The following GRID2 variants were observed in gnomAD, a reference collection of about 807,000 sequenced individuals.
The protein encoded by GRID2 is glutamate ionotropic receptor delta type subunit 2.
In GRID2, 33 loss-of-function variants were observed where a neutral mutation model predicts 114.8. The ratio of observed to expected loss-of-function variants is 0.29; its 90% CI spans 0.22 to 0.38. The LOEUF (loss-of-function observed/expected upper bound fraction) is 0.38. Ranked by LOEUF, GRID2 falls within the 10% of genes least tolerant of loss-of-function variation. The probability of loss-of-function intolerance (pLI) is 1.00; values close to 1 mark genes in which losing one functional copy is unlikely to be tolerated. For synonymous variants in GRID2, 505 were observed against 449.9 expected (o/e 1.12, Z -1.55); for missense variants, 1,184 against 1,257.7 (o/e 0.94, Z 0.89).
At chr4:92,906,857 T>G (rs923941260) in intron 2 of GRID2, among the ~76,000 whole-genome samples, 1 of 152,108 alleles carries the variant, frequency 6.6e-6, no homozygotes, top group African/African-American at 2.4e-5. Flanking sequence ...TAATCTCAAT[T>G]TTACAGTTTA....
intron 1 of GRID2, among the ~76,000 whole-genome samples, chr4:92,517,440 A>C (rs917125800): frequency 6.6e-6 from 1 of 151,952 alleles, no homozygotes; most frequent in Non-Finnish European, 1.5e-5. Flanking sequence ...GATACTTTGT[A>C]AGCAAAAGTC....
At chr4:92,768,849 A>G (rs1291165793) in intron 2 of GRID2, among the ~76,000 whole-genome samples, 3 of 152,154 alleles carry the variant, frequency 2.0e-5, no homozygotes, top group Admixed American at 6.5e-5. Flanking sequence ...CGTTCCTCCT[A>G]CAACACATGG....
At chr4:93,333,410 A>T (rs1758705868) in intron 8 of GRID2, among the ~76,000 whole-genome samples, 1 of 152,282 alleles carries the variant, frequency 6.6e-6, no homozygotes, top group Non-Finnish European at 1.5e-5. Context: ...ATGTAATGTC[A>T]AAGTTCCATA....
chr4:92,678,532 G>A lies in GRID2; in HGVS notation c.244+88246G>A, dbSNP rs145720247. On this transcript the variant is annotated intron_variant, in intron 2 of 15. Coordinates refer to ENST00000282020, the MANE Select transcript of GRID2 (RefSeq NM_001510.4). ...TTAGTCACTGGTGTCTGCTACTTGG[G>A]TATGGAAAGAAGATTAGTGTGGGTC... Among the ~76,000 whole-genome samples, 317 of 152,024 alleles carry A rather than the reference G, an allele frequency of 2.1e-3. 1 individual carries two copies. Among genetic ancestry groups the A allele is most frequent in the Non-Finnish European group, 3.2e-3 (214 of 67,918 alleles).
intron 2 of GRID2, among the ~76,000 whole-genome samples, chr4:93,061,103 AAAATAAATAAATAAAT>A (rs58943728): frequency 0.014 from 2,081 of 143,942 alleles, 12 homozygotes; most frequent in Non-Finnish European, 0.019. Context: ...ACTCCATCTC[AAAATAAATAAATAAAT>A]AAATAAATAA....
intron 2 of GRID2, among the ~76,000 whole-genome samples, chr4:92,956,353 T>C (rs1436696887): frequency 6.6e-6 from 1 of 152,196 alleles, no homozygotes; most frequent in Non-Finnish European, 1.5e-5. Context: ...CAGAATAGTT[T>C]CACCACTCAA....
chr4:92,762,626 T>C (rs563339898), intron 2 of GRID2, among the ~76,000 whole-genome samples: 106 of 152,286 alleles, frequency 7.0e-4, no homozygotes, highest in African/African-American at 2.5e-3. Context: ...ATGCCCCACT[T>C]GTTCGATTTT....
intron 1 of GRID2, among the ~76,000 whole-genome samples, chr4:92,311,637 C>T (rs2110110380): frequency 6.6e-6 from 1 of 151,732 alleles, no homozygotes; most frequent in South Asian, 2.1e-4. Flanking sequence ...AGCAGAGTAC[C>T]TGATTTTTTT....
chr4:92,505,632 G>A (rs1270823545), intron 1 of GRID2, among the ~76,000 whole-genome samples: 1 of 151,904 alleles, frequency 6.6e-6, no homozygotes, highest in Non-Finnish European at 1.5e-5. Context: ...GGAGTTGTGA[G>A]GTGACAAGGA....
At chr4:92,506,163 A>C (rs2149127606) in intron 1 of GRID2, among the ~76,000 whole-genome samples, 1 of 152,120 alleles carries the variant, frequency 6.6e-6, no homozygotes, top group African/African-American at 2.4e-5. Flanking sequence ...CATGTGGCCA[A>C]GATTCAAGGG....
At chr4:93,732,189 C>CAT (rs1434580577) in intron 14 of GRID2, among the ~76,000 whole-genome samples, 1 of 152,074 alleles carries the variant, frequency 6.6e-6, no homozygotes, top group Non-Finnish European at 1.5e-5. Context: ...GATGTGAATC[C>CAT]ATAGCATAGT....
chr4:93,118,801 G>A (rs939723315), intron 4 of GRID2, among the ~76,000 whole-genome samples: 1 of 152,190 alleles, frequency 6.6e-6, no homozygotes, highest in Non-Finnish European at 1.5e-5. Flanking sequence ...ACACAACCAA[G>A]TTCAGCAAGT....
intron 2 of GRID2, among the ~76,000 whole-genome samples, chr4:93,069,497 T>C (rs1375832326): frequency 6.6e-6 from 1 of 151,974 alleles, no homozygotes; most frequent in Non-Finnish European, 1.5e-5. Context: ...CTGACTCTAG[T>C]AGCACCCAAC....
At chr4:93,159,722 C>A (rs1474563529) in intron 4 of GRID2, among the ~76,000 whole-genome samples, 1 of 80,338 alleles carries the variant, frequency 1.2e-5, no homozygotes, top group Admixed American at 1.6e-4. Flanking sequence ...TTTTCTGTTT[C>A]AGTGTACTTC....
At chr4:93,377,589 A>G (rs1215666688) in intron 8 of GRID2, among the ~76,000 whole-genome samples, 30 of 152,188 alleles carry the variant, frequency 2.0e-4, no homozygotes, top group Admixed American at 1.9e-3. Context: ...GTTCAGCTCA[A>G]TAAGTTTAGA....
chr4:93,246,586 C>CA (rs34526471), intron 8 of GRID2, among the ~76,000 whole-genome samples: 9,102 of 101,896 alleles, frequency 0.089, 549 homozygotes, highest in African/African-American at 0.19. Context: ...GACTCCTTCT[C>CA]AAAAAAAAAA....
At chr4:93,760,346 A>G (rs909406488) in intron 14 of GRID2, among the ~76,000 whole-genome samples, 1 of 152,218 alleles carries the variant, frequency 6.6e-6, no homozygotes, top group Non-Finnish European at 1.5e-5. Flanking sequence ...GGAAGACACT[A>G]GTAACTACAT....
At chr4:92,354,172 G>T (rs898852152) in intron 1 of GRID2, among the ~76,000 whole-genome samples, 2 of 151,958 alleles carry the variant, frequency 1.3e-5, no homozygotes, top group Non-Finnish European at 2.9e-5. Flanking sequence ...TGGGAACATG[G>T]GCTAATATCT....
chr4:93,505,947 A>G (rs2149479672), intron 12 of GRID2, among the ~76,000 whole-genome samples: 1 of 152,106 alleles, frequency 6.6e-6, no homozygotes, highest in East Asian at 1.9e-4. Context: ...GCATCTGTAT[A>G]ACACCATCAT....
Sources: gnomAD v4.1 joint callset for allele counts (sites outside exome capture counted in the v4.1 genomes callset) on GRCh38, gnomAD v4.1.1 for gene constraint, MANE v1.5 for transcripts, NCBI Gene and HGNC (gene_info 2026-07-23, HGNC 2026-07-21) for gene names.